The following CLIC5 variants were observed in gnomAD, a reference collection of about 807,000 sequenced individuals.
CLIC5 encodes CLIC family member 5.
In CLIC5, 20 loss-of-function variants were observed where a neutral mutation model predicts 24.7. That is an observed-to-expected ratio of 0.81 (90% CI 0.57 to 1.18). The LOEUF is 1.18. Among genes scored for constraint, CLIC5 ranks in the 50% most tolerant of loss-of-function variants. The probability of loss-of-function intolerance (pLI) is 0.00; values close to 1 mark genes in which losing one functional copy is unlikely to be tolerated. For synonymous variants in CLIC5, 159 were observed against 135.6 expected, an observed-to-expected ratio of 1.17 and a Z score of -1.20; for missense variants, 341 against 326.1, an observed-to-expected ratio of 1.05 and a Z score of -0.35.
intron 1 of CLIC5, among the ~76,000 whole-genome samples, chr6:45,990,542 C>G (rs1237470566): frequency 6.6e-6 from 1 of 152,206 alleles, no homozygotes; most frequent in Non-Finnish European, 1.5e-5. Flanking sequence ...TCTGAGCCTG[C>G]CTGCAGGTGA....
intron 1 of CLIC5, among the ~76,000 whole-genome samples, chr6:46,048,059 G>A (rs1433205693): frequency 6.8e-6 from 1 of 147,800 alleles, no homozygotes; most frequent in Non-Finnish European, 1.5e-5. Context: ...CTGGAGTGCA[G>A]TGGCGCAATT....
At chr6:45,909,322 A>C (rs1762750226) in intron 5 of CLIC5, among the ~76,000 whole-genome samples, 1 of 152,132 alleles carries the variant, frequency 6.6e-6, no homozygotes, top group Non-Finnish European at 1.5e-5. Flanking sequence ...CTTTTCGTGA[A>C]GCTGTTAGCT....
At chr6:46,033,504 T>C (rs1244288785) in intron 1 of CLIC5, among the ~76,000 whole-genome samples, 2 of 152,196 alleles carry the variant, frequency 1.3e-5, no homozygotes, top group East Asian at 1.9e-4. Context: ...TCATGCCCAC[T>C]GAAGACACTG....
At chr6:45,974,495 GTGTA>G (rs1419590406) in intron 1 of CLIC5, among the ~76,000 whole-genome samples, 2 of 76,544 alleles carry the variant, frequency 2.6e-5, no homozygotes, top group African/African-American at 4.9e-5. Context: ...GTGTGTGTGT[GTGTA>G]TATATATATA....
intron 1 of CLIC5, among the ~76,000 whole-genome samples, chr6:45,997,633 A>G (rs894073766): frequency 6.6e-6 from 1 of 152,244 alleles, no homozygotes; most frequent in African/African-American, 2.4e-5. Flanking sequence ...ACATACATCA[A>G]TAACAAAATC....
intron 1 of CLIC5, among the ~76,000 whole-genome samples, chr6:46,030,084 G>A (rs1477237106): frequency 6.6e-6 from 1 of 152,060 alleles, no homozygotes; most frequent in Non-Finnish European, 1.5e-5. Context: ...TTTAGCCTTT[G>A]TAACCTCCTT....
chr6:46,112,049 C>T, the CLIC5 span, among the ~76,000 whole-genome samples: 1 of 62,522 alleles, frequency 1.6e-5, no homozygotes, highest in African/African-American at 5.1e-5. Flanking sequence ...TCTTTATCAG[C>T]AGTGTGAAAA....
the CLIC5 span, among the ~76,000 whole-genome samples, chr6:46,110,589 C>A: frequency 6.6e-6 from 1 of 152,054 alleles, no homozygotes; most frequent in Non-Finnish European, 1.5e-5. Flanking sequence ...TGATATGGTA[C>A]CTTGTCTACA....
At chr6:46,011,217 G>A (rs909810758) in intron 1 of CLIC5, among the ~76,000 whole-genome samples, 2 of 152,186 alleles carry the variant, frequency 1.3e-5, no homozygotes, top group South Asian at 4.1e-4. Context: ...TTAATAGTTC[G>A]TCAGCATCTG....
intron 5 of CLIC5, among the ~76,000 whole-genome samples, chr6:45,910,320 C>T (rs978585599): frequency 6.6e-6 from 1 of 152,024 alleles, no homozygotes; most frequent in Non-Finnish European, 1.5e-5. Context: ...CTAAATAATC[C>T]TATAAGGAAG....
At chr6:46,037,999 A>G (rs1173191019) in intron 1 of CLIC5, among the ~76,000 whole-genome samples, 1 of 152,136 alleles carries the variant, frequency 6.6e-6, no homozygotes, top group Non-Finnish European at 1.5e-5. Context: ...CTTCAGATAG[A>G]GCCTGGGATT....
the CLIC5 span, among the ~76,000 whole-genome samples, chr6:46,088,573 T>C: frequency 6.6e-6 from 1 of 152,312 alleles, no homozygotes; most frequent in East Asian, 1.9e-4. Flanking sequence ...GATAATTATG[T>C]TAACATTCTC....
chr6:46,098,912 C>T, the CLIC5 span, among the ~76,000 whole-genome samples: 1 of 152,054 alleles, frequency 6.6e-6, no homozygotes, highest in Non-Finnish European at 1.5e-5. Context: ...TTGGTGCCAG[C>T]GCAGAACTGG....
At chr6:45,931,498 G>C (rs2127351147) in intron 4 of CLIC5, among the ~76,000 whole-genome samples, 1 of 152,278 alleles carries the variant, frequency 6.6e-6, no homozygotes, top group East Asian at 1.9e-4. Context: ...ATCTGGAAAG[G>C]ACTGTGAAAG....
intron 2 of CLIC5, among the ~76,000 whole-genome samples, chr6:45,953,724 A>T (rs1764546315): frequency 6.6e-6 from 1 of 152,228 alleles, no homozygotes. Flanking sequence ...TAGGAATAAT[A>T]ACCTTAGAAT....
intron 1 of CLIC5, among the ~76,000 whole-genome samples, chr6:46,045,927 A>G (rs1165152590): frequency 2.0e-5 from 3 of 152,058 alleles, no homozygotes; most frequent in African/African-American, 4.8e-5. Flanking sequence ...GCACATGAAC[A>G]TAAGCATTTG....
chr6:46,043,042 T>A (rs998709814), intron 1 of CLIC5, among the ~76,000 whole-genome samples: 3 of 152,162 alleles, frequency 2.0e-5, no homozygotes, highest in African/African-American at 7.2e-5. Context: ...TTCAGAAGTG[T>A]GTAATTTGCA....
At position 46,008,795 on chromosome 6, in the gene CLIC5, A is replaced by T. The variant is rs74295002; in HGVS notation, c.63+6685T>A. Among the ~76,000 whole-genome samples the T allele has an allele frequency of 3.0e-4, 46 of 152,292 alleles. 1 individual carries two copies. The East Asian group carries it at 8.7e-3, about 29-fold the overall frequency. On this transcript the variant is annotated intron_variant, in intron 1 of 5. Coordinates refer to ENST00000339561, the MANE Select transcript of CLIC5 (RefSeq NM_016929.5). ...TTTCCTCCCTTTTCTGGTTTATTTG[A>T]GGTCAATCTGGAGTGATTCATGTGA...
intron 1 of CLIC5, among the ~76,000 whole-genome samples, chr6:45,980,584 A>C (rs1765535243): frequency 6.6e-6 from 1 of 152,132 alleles, no homozygotes; most frequent in African/African-American, 2.4e-5. Context: ...AAAAGGAGAG[A>C]GATGGCTTTA....
Sources: allele counts gnomAD v4.1 joint callset (sites outside exome capture counted in the v4.1 genomes callset), GRCh38; gene constraint gnomAD v4.1.1; transcripts MANE v1.5; gene names NCBI Gene and HGNC (gene_info 2026-07-23, HGNC 2026-07-21).